The following KDM3B variants were observed in gnomAD, a reference collection of about 807,000 sequenced individuals.
The protein encoded by KDM3B is lysine demethylase 3B, also known as lysine-specific demethylase 3B.
A neutral mutation model predicts 170.0 loss-of-function variants in KDM3B; 10 were observed. The ratio of observed to expected loss-of-function variants is 0.06; its 90% confidence interval spans 0.04 to 0.10. KDM3B has a LOEUF of 0.10. Among genes scored for constraint, KDM3B ranks in the 10% least tolerant of loss-of-function variants. The pLI is 1.00. For synonymous variants in KDM3B, 831 were observed against 834.8 expected, an observed-to-expected ratio of 1.00 and a Z score of 0.08; for missense variants, 1,394 against 2,195.2, an observed-to-expected ratio of 0.64 and a Z score of 7.29.
At chr5:138,353,531 C>T (rs539285379) in intron 1 of KDM3B, among the ~76,000 whole-genome samples, 144 of 152,236 alleles carry the variant, frequency 9.5e-4, no homozygotes, top group Non-Finnish European at 1.1e-3. Context: ...GAGCTGGGCT[C>T]GGCCTGGCGG....
chr5:138,418,075 GTTTTTTTTTTTTT>G (rs34275336), intron 13 of KDM3B: 1 of 96,798 alleles, frequency 1.0e-5, no homozygotes, highest in Non-Finnish European at 2.0e-5. Flanking sequence ...TTTGGTTTTG[GTTTTTTTTTTTTT>G]TTTTTTTTTC....
In KDM3B at chr5:138,419,123, T is replaced by C. The variant is rs557978784; in HGVS notation, c.3606T>C (p.Asn1202=). ...LKTDSSASNS[N]SELKAIRPPC... ...CAGACAGTTCGGCATCAAATAGCAA[T>C]AGTGAACTGAAAGCCATCAGGCCTC... Residue 1202 remains asparagine (N), a synonymous_variant, in exon 14 of 24, where the codon AAT becomes AAC. Transcript: ENST00000314358. 17 of 1,614,154 alleles carry C rather than the reference T, an allele frequency of 1.1e-5. No homozygotes were observed. The East Asian group carries it at 2.7e-4, about 25-fold the overall frequency.
intron 14 of KDM3B, among the ~76,000 whole-genome samples, chr5:138,419,728 T>TACACAC (rs144047213): frequency 0.061 from 7,472 of 121,998 alleles, 348 homozygotes; most frequent in East Asian, 0.13. Context: ...TACACACACA[T>TACACAC]ACACACACAC....
chr5:138,399,814 A>T, intron 10 of KDM3B, 46 bp from the exon 11 acceptor site: 1 of 1,585,452 alleles, frequency 6.3e-7, no homozygotes, highest in Non-Finnish European at 8.6e-7. Flanking sequence ...GTCTTTTGTT[A>T]TTGGTCAGGA....
At chr5:138,426,447 C>T (rs1194476952) in intron 17 of KDM3B, among the ~76,000 whole-genome samples, 5 of 151,674 alleles carry the variant, frequency 3.3e-5, no homozygotes, top group African/African-American at 1.2e-4. Flanking sequence ...TGGTGGCAGA[C>T]ACCTATAGTC....
intron 11 of KDM3B, among the ~76,000 whole-genome samples, chr5:138,408,949 A>G (rs943804903): frequency 6.6e-6 from 1 of 152,234 alleles, no homozygotes; most frequent in Non-Finnish European, 1.5e-5. Flanking sequence ...ATAAACAGAT[A>G]TACAGTATAT....
chr5:138,355,355 T>C (rs150648378), intron 1 of KDM3B, among the ~76,000 whole-genome samples: 1,615 of 152,340 alleles, frequency 0.011, 14 homozygotes, highest in Non-Finnish European at 0.014. Flanking sequence ...GATTCAGATA[T>C]CCTATAAAAT....
At chr5:138,399,716 C>T in intron 10 of KDM3B, 144 bp from the exon 11 acceptor site, 1 of 629,504 alleles carries the variant, frequency 1.6e-6, no homozygotes, top group Non-Finnish European at 2.6e-6. Flanking sequence ...TATTTTGTTT[C>T]TCCTACAATT....
At position 138,393,449 on chromosome 5, in the gene KDM3B, A is replaced by T. The variant is rs867849709; in HGVS notation, c.2831+77A>T. 73 of 1,198,118 alleles carry T rather than the reference A, an allele frequency of 6.1e-5. 1 individual carries two copies. The Middle Eastern group carries it at 5.0e-3, about 83-fold the overall frequency. 74.2% of individuals were successfully genotyped at this position (1,198,118 alleles called of 1,614,324 possible). A position where few individuals can be genotyped will look rare whatever the true frequency, so the allele number is the denominator to read the frequency against. ...ACTTCCACTCTTTCTCTGAGTCTAT[A>T]AACATGTTTCATCATCTTGGTCTTT... is the stretch of plus-strand genomic sequence containing the variant. On this transcript the variant is annotated intron_variant, in intron 9 of 23. Transcript: ENST00000314358.
At chr5:138,427,414 G>T in intron 19 of KDM3B, 95 bp downstream of exon 19, 1 of 1,389,086 alleles carries the variant, frequency 7.2e-7, no homozygotes, top group Non-Finnish European at 9.9e-7. Flanking sequence ...GTATAGAGAT[G>T]ATTGCAGGCA....
rs963495077 is a variant in KDM3B, at chr5:138,404,649, G to A, written c.3199+4637G>A. Among the ~76,000 whole-genome samples the A allele has an allele frequency of 4.0e-5, 6 of 151,730 alleles. 1 individual carries two copies. In the East Asian group the frequency reaches 1.2e-3, roughly 29 times the overall value. On this transcript the variant is annotated intron_variant, in intron 11 of 23. Coordinates refer to ENST00000314358, the MANE Select transcript of KDM3B (RefSeq NM_016604.4). Reference sequence around the variant, plus strand: ...TCTAAAAAAAAAAAAACAAAAGAATGACAGCCAATTTATGAGAAGTCCTGT... The same window carrying A: ...TCTAAAAAAAAAAAAACAAAAGAATAACAGCCAATTTATGAGAAGTCCTGT...
chr5:138,433,816 G>A (rs1266024457), intron 23 of KDM3B, among the ~76,000 whole-genome samples: 1 of 151,966 alleles, frequency 6.6e-6, no homozygotes, highest in Non-Finnish European at 1.5e-5. Flanking sequence ...TTGCCTCACT[G>A]CAGCCTCTGC....
chr5:138,422,668 G>A (rs965962765), intron 15 of KDM3B, among the ~76,000 whole-genome samples: 2 of 151,930 alleles, frequency 1.3e-5, no homozygotes, highest in African/African-American at 4.8e-5. Flanking sequence ...AAAAGGTTTC[G>A]ACTGAAAAGT....
chr5:138,420,746 T>C lies in KDM3B; in HGVS notation c.3756T>C (p.His1252=), dbSNP rs545026415. 6.2e-7 allele frequency: 1 copy of C among 1,613,996 alleles called. No individual in the cohort carries two copies. Among genetic ancestry groups the C allele is most frequent in the African/African-American group, 1.3e-5 (1 of 74,908 alleles). ...SLRSVLNKES[H]SPFGLDSFNS... ...GGTCGGTGCTCAATAAAGAGTCTCA[T>C]TCACCCTTTGGGCTGGACTCGTTCA... The change falls in exon 15 of 24, where the codon CAT becomes CAC. Residue 1252 remains histidine (H), a synonymous_variant. Transcript: ENST00000314358.
intron 2 of KDM3B, among the ~76,000 whole-genome samples, 185 bp downstream of exon 2, chr5:138,373,026 TA>T (rs1761912384): frequency 6.6e-6 from 1 of 152,132 alleles, no homozygotes; most frequent in Non-Finnish European, 1.5e-5. Flanking sequence ...TGTTTTATAT[TA>T]GGTGATATTT....
At chr5:138,373,505 C>CA (rs761906483) in intron 2 of KDM3B, among the ~76,000 whole-genome samples, 4 of 151,802 alleles carry the variant, frequency 2.6e-5, no homozygotes, top group African/African-American at 4.8e-5. Context: ...CTGGCTCTGT[C>CA]ACTCAGGCTG....
At chr5:138,404,023 GAA>G (rs958604494) in intron 11 of KDM3B, among the ~76,000 whole-genome samples, 1 of 144,512 alleles carries the variant, frequency 6.9e-6, no homozygotes, top group Non-Finnish European at 1.5e-5. Context: ...TAATGTAGAA[GAA>G]AAAAAAAAGA....
chr5:138,426,521 G>A (rs1763396596), intron 17 of KDM3B, among the ~76,000 whole-genome samples: 1 of 145,980 alleles, frequency 6.9e-6, no homozygotes, highest in African/African-American at 2.6e-5. Flanking sequence ...CTTGCAGTGA[G>A]CCAAGATTGG....
chr5:138,353,352 C>T (rs568064153), intron 1 of KDM3B, among the ~76,000 whole-genome samples: 6 of 152,354 alleles, frequency 3.9e-5, no homozygotes, highest in African/African-American at 1.2e-4. Flanking sequence ...TGCCGCTGCC[C>T]TCTCGAAGAC....
Sources: allele counts gnomAD v4.1 joint callset (sites outside exome capture counted in the v4.1 genomes callset), GRCh38; gene constraint gnomAD v4.1.1; transcripts MANE v1.5; gene names NCBI Gene and HGNC (gene_info 2026-07-23, HGNC 2026-07-21).